The following SCARA5 variants were observed in gnomAD, a reference collection of about 807,000 sequenced individuals.
SCARA5 encodes scavenger receptor class A member 5, also known as scavenger receptor class A, member 5 (putative).
SCARA5 carries 45 observed loss-of-function variants against 46.3 expected under a neutral mutation model. The observed-to-expected ratio is 0.97, with a 90% CI of 0.76 to 1.24. SCARA5 has a LOEUF of 1.24. Among genes scored for constraint, SCARA5 ranks in the 50% most tolerant of loss-of-function variants. SCARA5 has a pLI of 0.00. For missense variants in SCARA5, 680 were observed against 689.0 expected, an observed-to-expected ratio of 0.99 and a Z score of 0.15; for synonymous variants, 333 against 306.5, an observed-to-expected ratio of 1.09 and a Z score of -0.90.
At chr8:27,875,896 G>C (rs923458046) in intron 8 of SCARA5, among the ~76,000 whole-genome samples, 1 of 152,182 alleles carries the variant, frequency 6.6e-6, no homozygotes. Flanking sequence ...AGCTACTCAG[G>C]AGGCTGAGGC....
At chr8:27,922,790 G>GAGA (rs35539775) in intron 3 of SCARA5, among the ~76,000 whole-genome samples, 89,734 of 151,760 alleles carry the variant, frequency 0.59, 27,409 homozygotes, top group South Asian at 0.74. Context: ...GTCATAGTAA[G>GAGA]GGGGGTCTTT....
intron 3 of SCARA5, among the ~76,000 whole-genome samples, chr8:27,957,342 A>C (rs1325684364): frequency 1.3e-5 from 2 of 152,238 alleles, no homozygotes; most frequent in Admixed American, 6.5e-5. Flanking sequence ...TCACTTAACA[A>C]ACACCAATGA....
chr8:27,877,390 C>T (rs894681728), intron 8 of SCARA5, among the ~76,000 whole-genome samples: 5 of 152,160 alleles, frequency 3.3e-5, no homozygotes, highest in Non-Finnish European at 7.4e-5. Context: ...CTTAGAGCTT[C>T]CCTGTGTCAA....
Position 27,871,869 on chromosome 8 carries a change from G to A in SCARA5, c.*65C>T. 1 of 1,608,382 alleles carries A rather than the reference G, an allele frequency of 6.2e-7. No individual in the cohort carries two copies. The highest frequency in any genetic ancestry group is 8.5e-7 in the Non-Finnish European group (1 of 1,177,216). ...CATGGTCAGGGTGGCCCCGAGCTGTGCCCCACCCCAGGGATGCAGGAAGGG... is the reference window on the plus strand; with the variant it reads ...CATGGTCAGGGTGGCCCCGAGCTGTACCCCACCCCAGGGATGCAGGAAGGG... On this transcript the variant is annotated 3_prime_UTR_variant, in exon 9 of 9. Transcript: ENST00000354914.
At chr8:27,910,896 CA>C (rs1807363020) in intron 4 of SCARA5, among the ~76,000 whole-genome samples, 1 of 152,212 alleles carries the variant, frequency 6.6e-6, no homozygotes, top group African/African-American at 2.4e-5. Flanking sequence ...TGATTGGATA[CA>C]GTCCCCATGA....
At chr8:27,979,471 T>G (rs931307534) in intron 2 of SCARA5, among the ~76,000 whole-genome samples, 1 of 152,024 alleles carries the variant, frequency 6.6e-6, no homozygotes, top group South Asian at 2.1e-4. Context: ...AAGATGAGGA[T>G]AAGAGCTTGT....
chr8:27,969,074 TG>T (rs1808410734), intron 2 of SCARA5, among the ~76,000 whole-genome samples: 1 of 152,170 alleles, frequency 6.6e-6, no homozygotes, highest in Non-Finnish European at 1.5e-5. Flanking sequence ...AAGCAGAACA[TG>T]AATGATCTGG....
rs191351494 is a variant in SCARA5, at chr8:27,914,070, G to T, written c.917-4327C>A. Among the ~76,000 whole-genome samples the T allele has an allele frequency of 1.4e-3, 217 of 152,238 alleles. 1 individual carries two copies. The highest frequency in any genetic ancestry group is 4.5e-3 in the African/African-American group (185 of 41,522). ...CTCAGTGGGAGGTAACTGAATCATG[G>T]GGGTGGGTCTTTCCCTTGCTGTTCT... On this transcript the variant is annotated intron_variant, in intron 4 of 8. Transcript: ENST00000354914.
At chr8:27,970,966 C>A (rs766099676) in intron 2 of SCARA5, among the ~76,000 whole-genome samples, 20 of 152,144 alleles carry the variant, frequency 1.3e-4, no homozygotes, top group Non-Finnish European at 1.9e-4. Context: ...AGGGTAATTT[C>A]TTATGCGGCA....
At chr8:27,874,609 G>T (rs1214606562) in intron 8 of SCARA5, among the ~76,000 whole-genome samples, 3 of 152,220 alleles carry the variant, frequency 2.0e-5, no homozygotes, top group African/African-American at 4.8e-5. Flanking sequence ...TAAAGTATTT[G>T]CTATCCAGCA....
At chr8:27,876,163 T>C (rs1233802621) in intron 8 of SCARA5, among the ~76,000 whole-genome samples, 5 of 152,198 alleles carry the variant, frequency 3.3e-5, no homozygotes, top group Admixed American at 6.5e-5. Flanking sequence ...ACAGAGCCTG[T>C]GCATGCTAAC....
At chr8:27,930,231 C>G (rs1434851079) in intron 3 of SCARA5, among the ~76,000 whole-genome samples, 1 of 152,086 alleles carries the variant, frequency 6.6e-6, no homozygotes, top group East Asian at 1.9e-4. Flanking sequence ...GGGGAACGGT[C>G]TTTCTCGTGC....
At chr8:27,878,449 G>T (rs1806758621) in intron 8 of SCARA5, among the ~76,000 whole-genome samples, 1 of 152,202 alleles carries the variant, frequency 6.6e-6, no homozygotes, top group Non-Finnish European at 1.5e-5. Flanking sequence ...TTTCCATCAG[G>T]AAACAAATGC....
chr8:27,992,232 G>A (rs1390823523), intron 1 of SCARA5, 25 bp downstream of exon 1: 2 of 152,310 alleles, frequency 1.3e-5, no homozygotes, highest in Admixed American at 1.3e-4. Context: ...CCAGGAGATA[G>A]GACAAAATTA....
chr8:27,882,853 T>A (rs1192267944), intron 7 of SCARA5, among the ~76,000 whole-genome samples: 1 of 152,174 alleles, frequency 6.6e-6, no homozygotes, highest in Non-Finnish European at 1.5e-5. Context: ...AACATGGTAA[T>A]AGATGTGAAG....
At chr8:27,928,217 T>C (rs1056765876) in intron 3 of SCARA5, among the ~76,000 whole-genome samples, 2 of 152,206 alleles carry the variant, frequency 1.3e-5, no homozygotes, top group African/African-American at 4.8e-5. Flanking sequence ...AGGGAATAAT[T>C]CTTAGTTGAG....
At chr8:27,901,329 G>T (rs908825410) in intron 7 of SCARA5, among the ~76,000 whole-genome samples, 3 of 152,114 alleles carry the variant, frequency 2.0e-5, no homozygotes, top group Admixed American at 2.0e-4. Flanking sequence ...GAAAGGCCTC[G>T]GGGTTAGCAG....
intron 4 of SCARA5, among the ~76,000 whole-genome samples, chr8:27,918,574 C>CAAAGAGGAGAAGGAAGAA (rs1807506147): frequency 7.3e-6 from 1 of 137,412 alleles, no homozygotes; most frequent in South Asian, 2.3e-4. Context: ...AGAAGGAAGA[C>CAAAGAGGAGAAGGAAGAA]AAAGAGGAGA....
At chr8:27,888,170 C>T (rs557455658) in intron 7 of SCARA5, among the ~76,000 whole-genome samples, 4 of 152,254 alleles carry the variant, frequency 2.6e-5, no homozygotes, top group Non-Finnish European at 2.9e-5. Context: ...CATTCTCTCC[C>T]GCCTCAGCCT....
Sources: gnomAD v4.1 joint callset for allele counts (sites outside exome capture counted in the v4.1 genomes callset) on GRCh38, gnomAD v4.1.1 for gene constraint, MANE v1.5 for transcripts, NCBI Gene and HGNC (gene_info 2026-07-23, HGNC 2026-07-21) for gene names.